SLC6A9: variants seen among roughly 807,000 people sequenced by gnomAD.
The protein encoded by SLC6A9 is solute carrier family 6 member 9.
In SLC6A9, 31 loss-of-function variants were observed where a neutral mutation model predicts 70.9. The observed-to-expected ratio is 0.44, with a 90% confidence interval of 0.33 to 0.59. The LOEUF (loss-of-function observed/expected upper bound fraction) is 0.59. Among genes scored for constraint, SLC6A9 ranks in the 20% least tolerant of loss-of-function variants. The pLI, the probability that SLC6A9 is intolerant of heterozygous loss-of-function variation, is 0.04. For synonymous variants in SLC6A9, 310 were observed against 341.3 expected, an observed-to-expected ratio of 0.91 and a Z score of 1.01; for missense variants, 631 against 845.2, an observed-to-expected ratio of 0.75 and a Z score of 3.14.
intron 1 of SLC6A9, among the ~76,000 whole-genome samples, chr1:44,028,150 G>A (rs1271461797): frequency 1.6e-4 from 24 of 152,168 alleles, no homozygotes; most frequent in Admixed American, 1.6e-3. Flanking sequence ...TGGCAATAAT[G>A]AGGAAGAGAA....
intron 2 of SLC6A9, among the ~76,000 whole-genome samples, chr1:44,017,507 T>A (rs2086793296): frequency 6.6e-6 from 1 of 152,150 alleles, no homozygotes; most frequent in Non-Finnish European, 1.5e-5. Flanking sequence ...GGGCTCCTGC[T>A]AGGGTAGTTG....
intron 2 of SLC6A9, chr1:44,015,883 C>T (rs763995544): frequency 2.6e-5 from 26 of 985,166 alleles, no homozygotes; most frequent in East Asian, 1.1e-4. Context: ...GGCCGAGCAG[C>T]CCCCAGTGGC....
chr1:43,997,973 T>C lies in SLC6A9; in HGVS notation c.1589A>G (p.Tyr530Cys), dbSNP rs1571834683. 5.0e-6 allele frequency: 8 copies of C among 1,613,850 alleles called. No homozygotes were observed. The highest frequency in any genetic ancestry group is 6.8e-6 in the Non-Finnish European group (8 of 1,179,896). ...IQYQPITYNH[Y>C]QYPGWAVAIG... is the part of the protein sequence containing the mutation. ...GGCCACGGCCCAGCCTGGGTACTGG[T>C]AGTGGTTGTAGGTGATCGGCTGGTA... Residue 530 changes from tyrosine (Y) to cysteine (C), a missense_variant, in exon 13 of 14, where the codon TAC becomes TGC. Transcript: ENST00000372310. This position sits in a 1 kb window ranked among gnomAD's most constrained non-coding sequence, Gnocchi z 4.4.
intron 12 of SLC6A9, among the ~76,000 whole-genome samples, chr1:43,998,720 T>G (rs2085975653): frequency 6.6e-6 from 1 of 152,106 alleles, no homozygotes; most frequent in Non-Finnish European, 1.5e-5. Flanking sequence ...TTGAACTGAT[T>G]TGTGCAGAGA....
At position 44,000,922 on chromosome 1, in the gene SLC6A9, C is replaced by T. The variant is rs199568875; in HGVS notation, c.1435+34G>A. On this transcript the variant is annotated intron_variant, in intron 11 of 13. Coordinates refer to ENST00000372310, the MANE Select transcript of SLC6A9 (RefSeq NM_001024845.3). The stretch of plus-strand genomic sequence containing the variant: ...AGGACAGAGTGGGCGGGCCAAGGGC[C>T]GGGTCGCGGGAGGCCGGAGGCTCGA... 184 of 1,599,904 alleles carry T rather than the reference C, an allele frequency of 1.2e-4. 3 individuals are homozygous for T. The South Asian group carries it at 1.6e-3, about 14-fold the overall frequency.
chr1:44,021,290 G>C (rs1013233728), intron 2 of SLC6A9, among the ~76,000 whole-genome samples: 8 of 152,044 alleles, frequency 5.3e-5, no homozygotes, highest in African/African-American at 1.4e-4. Context: ...CTGGGTTCTC[G>C]CACAGCCCTG....
In SLC6A9 at chr1:43,997,517, G is replaced by C; in HGVS notation, c.*28C>G. The C allele has an allele frequency of 1.3e-6, 2 of 1,594,978 alleles. No homozygotes were observed. Among genetic ancestry groups the C allele is most frequent in the East Asian group, 2.2e-5 (1 of 44,752 alleles). On this transcript the variant is annotated 3_prime_UTR_variant, in exon 14 of 14. Transcript: ENST00000372310. The surrounding 1 kb of genome is among the most constrained non-coding windows in gnomAD (Gnocchi z 4.4). ...CTCTGCGGTGGGAGCACGGGGTGGG[G>C]GTGGGGCCACTCCCCTGGCAGCTGT...
chr1:44,017,118 T>G, intron 2 of SLC6A9: 1 of 1,606,422 alleles, frequency 6.2e-7, no homozygotes, highest in Non-Finnish European at 8.5e-7. Context: ...GCAGCCCGCG[T>G]GTCTCCGCCG....
At chr1:44,030,030 G>A (rs996866174) in intron 1 of SLC6A9, among the ~76,000 whole-genome samples, 2 of 152,194 alleles carry the variant, frequency 1.3e-5, no homozygotes, top group Non-Finnish European at 2.9e-5. Flanking sequence ...GCGAGCAAGC[G>A]TCCCGTCTCC....
rs61601279 is a variant in SLC6A9 at position 44,010,456 on chromosome 1, CGGGGGGG to C, written c.187+263_187+269del. On this transcript the variant is annotated intron_variant, in intron 3 of 13. Transcript: ENST00000372310. The stretch of plus-strand genomic sequence containing the variant: ...GGAATAGAACAGGGAGCCTTGTGGG[CGGGGGGG>C]GGGGGGGGTTAGGTCCTTTTCTCAC... 2.9e-4 allele frequency: 16 copies of C among 54,774 alleles called. 5 individuals carry two copies. Among genetic ancestry groups the C allele is most frequent in the Non-Finnish European group, 8.2e-4 (15 of 18,378 alleles). 3.4% of individuals were successfully genotyped at this position (54,774 alleles called of 1,614,324 possible). A position where few individuals can be genotyped will look rare whatever the true frequency, so the allele number is the denominator to read the frequency against.
intron 3 of SLC6A9, chr1:44,010,462 G>GGGGGA (rs1553162566): frequency 4.4e-6 from 1 of 229,566 alleles, no homozygotes; most frequent in East Asian, 9.0e-5. Flanking sequence ...TGGGCGGGGG[G>GGGGGA]GGGGGGGGGT....
chr1:44,027,744 G>C (rs1048947050), intron 1 of SLC6A9, among the ~76,000 whole-genome samples: 1 of 152,240 alleles, frequency 6.6e-6, no homozygotes, highest in African/African-American at 2.4e-5. Flanking sequence ...GGGAGGCCAA[G>C]GCAGGCAAAT....
intron 3 of SLC6A9, 85 bp from the exon 4 acceptor site, chr1:44,010,181 C>A: frequency 3.3e-6 from 5 of 1,504,748 alleles, no homozygotes; most frequent in Non-Finnish European, 4.6e-6. Flanking sequence ...AACAGCAAAA[C>A]CTTCGCGATT....
Position 44,002,345 on chromosome 1 carries a change from A to G in SLC6A9, c.930T>C (p.Ala310=), listed in dbSNP as rs141699039. ...AGTTATTGTGGAACTTGTTGTAGGAAGCCATGGTGATGAGGCCTCCCCACG... is the reference window on the plus strand; with the variant it reads ...AGTTATTGTGGAACTTGTTGTAGGAGGCCATGGTGATGAGGCCTCCCCACG... ...GCAWGGLITM[A]SYNKFHNNCY... The change falls in exon 8 of 14, where the codon GCT becomes GCC. Residue 310 remains alanine, a synonymous_variant. Coordinates refer to ENST00000372310, the MANE Select transcript of SLC6A9 (RefSeq NM_001024845.3). The surrounding 1 kb of genome is among the most constrained non-coding windows in gnomAD (Gnocchi z 5.5). 63 of 1,613,980 alleles carry G rather than the reference A, an allele frequency of 3.9e-5. 1 individual carries two copies. The African/African-American group carries it at 7.3e-4, about 19-fold the overall frequency.
rs2085865504 is a variant in SLC6A9, at chr1:43,996,534, G to C, written c.*1011C>G. On this transcript the variant is annotated 3_prime_UTR_variant, in exon 14 of 14. Transcript: ENST00000372310. ...AAAATCTATGGACTTTAAAATCCTA[G>C]TGGTGCACAATGGGCAGGGATGGGC... 4 of 229,048 alleles carry C rather than the reference G, an allele frequency of 1.7e-5. No homozygotes were observed. The Admixed American group carries it at 2.1e-4, about 12-fold the overall frequency. 14.2% of individuals were successfully genotyped at this position (229,048 alleles called of 1,614,324 possible).
rs989234972 is a variant in SLC6A9 at position 44,002,015 on chromosome 1, G to A, written c.962+298C>T. Among the ~76,000 whole-genome samples, 10 of 152,166 alleles carry A rather than the reference G, an allele frequency of 6.6e-5. No individual in the cohort carries two copies. The highest frequency in any genetic ancestry group is 2.4e-5 in the African/African-American group (1 of 41,436). Reference sequence around the variant, plus strand: ...CCTCTCAAAGTGCTGGGATTACGGCGTGAAGCACTGAGCCTGGCCCCCAAC... The same window carrying A: ...CCTCTCAAAGTGCTGGGATTACGGCATGAAGCACTGAGCCTGGCCCCCAAC... On this transcript the variant is annotated intron_variant, in intron 8 of 13. Transcript: ENST00000372310. The surrounding 1 kb of genome is among the most constrained non-coding windows in gnomAD (Gnocchi z 5.5).
rs1386526900 is a variant in SLC6A9, at chr1:44,008,466, T to C, written c.477A>G (p.Val159=). ...CATTGGTGAGGTTGGAGGCGTCCAG[T>C]ACACCGGCGCAGTCATGCGTGTTCC... ...NPWNTHDCAG[V]LDASNLTNGS... The change falls in exon 5 of 14, where the codon GTA becomes GTG. Residue 159 remains valine, a synonymous_variant. Transcript: ENST00000372310. The C allele has an allele frequency of 3.1e-6, 5 of 1,614,150 alleles. No individual in the cohort carries two copies. Among genetic ancestry groups the C allele is most frequent in the Non-Finnish European group, 4.2e-6 (5 of 1,180,010 alleles).
Position 43,997,437 on chromosome 1 carries a change from C to T in SLC6A9, c.*108G>A. ...GGTGACCAAGGTGACAGCAGCCGTC[C>T]TGGCCAGGGCGTGGCAGGGGGCAGG... On this transcript the variant is annotated 3_prime_UTR_variant, in exon 14 of 14. Coordinates refer to ENST00000372310, the MANE Select transcript of SLC6A9 (RefSeq NM_001024845.3). The surrounding 1 kb of genome is among the most constrained non-coding windows in gnomAD (Gnocchi z 4.4). 3 of 967,198 alleles carry T rather than the reference C, an allele frequency of 3.1e-6. No individual in the cohort carries two copies. The highest frequency in any genetic ancestry group is 2.7e-5 in the South Asian group (2 of 72,956). 59.9% of individuals were successfully genotyped at this position (967,198 alleles called of 1,614,324 possible). A position where few individuals can be genotyped will look rare whatever the true frequency, so the allele number is the denominator to read the frequency against.
Position 44,001,061 on chromosome 1 carries a change from G to A in SLC6A9, c.1336-6C>T. 6.3e-7 allele frequency: 1 copy of A among 1,591,786 alleles called. No individual in the cohort carries two copies. Among genetic ancestry groups the A allele is most frequent in the Non-Finnish European group, 8.6e-7 (1 of 1,167,328 alleles). On this transcript the variant is annotated splice_polypyrimidine_tract_variant and splice_region_variant and intron_variant, in intron 10 of 13. Coordinates refer to ENST00000372310, the MANE Select transcript of SLC6A9 (RefSeq NM_001024845.3). ...AGCAGCCAATAGATGCCTGCCTGGG[G>A]AACAGCGGGCAGCTGTGGGAGGCGC... is the stretch of plus-strand genomic sequence containing the variant.
Sources: gnomAD v4.1 joint callset for allele counts (sites outside exome capture counted in the v4.1 genomes callset) on GRCh38, gnomAD v4.1.1 for gene constraint, Gnocchi (gnomAD v3.1) non-coding constraint, MANE v1.5 for transcripts, NCBI Gene and HGNC (gene_info 2026-07-23, HGNC 2026-07-21) for gene names.